Variants in HSPA9 observed in about 807,000 individuals in gnomAD.
HSPA9 encodes heat shock protein family A (Hsp70) member 9.
A neutral mutation model predicts 81.5 loss-of-function variants in HSPA9; 28 were observed. That is an observed-to-expected ratio of 0.34 (90% CI 0.25 to 0.47). The LOEUF (loss-of-function observed/expected upper bound fraction) is 0.47. Among genes scored for constraint, HSPA9 ranks in the 20% least tolerant of loss-of-function variants. The probability of loss-of-function intolerance (pLI) is 1.00; values close to 1 mark genes in which losing one functional copy is unlikely to be tolerated. For synonymous variants in HSPA9, 293 were observed against 290.4 expected (o/e 1.01, Z -0.09); for missense variants, 678 against 838.0 (o/e 0.81, Z 2.36).
rs756173167 is a variant in HSPA9 at position 138,575,306 on chromosome 5, T to G, written c.13A>C (p.Ser5Arg). 3.7e-6 allele frequency: 6 copies of G among 1,611,954 alleles called. No individual in the cohort carries two copies. The highest frequency in any genetic ancestry group is 4.2e-6 in the Non-Finnish European group (5 of 1,179,470). The part of the protein sequence containing the change: MISA[S>R]RAAAARLVGA... Reference sequence around the variant, plus strand: ...ACGAGACGGGCTGCTGCAGCTCGGCTGGCACTTATCATGGCGGATAAATGG... The same window carrying G: ...ACGAGACGGGCTGCTGCAGCTCGGCGGGCACTTATCATGGCGGATAAATGG... The change falls in exon 1 of 17, where the codon AGC becomes CGC. Residue 5 changes from serine (S) to arginine (R), a missense_variant. By Grantham distance (110) the Ser-to-Arg change is moderately radical. Around this residue, in one of 4 missense-constraint regions of HSPA9, gnomAD observed 89 missense variants for 70.4 expected, o/e 1.27. Transcript: ENST00000297185.
chr5:138,559,751 T>C (rs1750611934), intron 11 of HSPA9, 113 bp downstream of exon 11: 1 of 768,950 alleles, frequency 1.3e-6, no homozygotes, highest in Non-Finnish European at 2.3e-6. Context: ...TATTCTAAAC[T>C]GTAAAACAGA....
chr5:138,573,602 G>A (rs182612750), intron 3 of HSPA9, among the ~76,000 whole-genome samples, 161 bp downstream of exon 3: 41 of 124,288 alleles, frequency 3.3e-4, no homozygotes, highest in Middle Eastern at 6.5e-3. Flanking sequence ...AGCGGAGACC[G>A]TGCCACTGCA....
At chr5:138,557,012 C>A in intron 14 of HSPA9, 146 bp from the exon 15 acceptor site, 2 of 704,000 alleles carry the variant, frequency 2.8e-6, no homozygotes, top group South Asian at 3.0e-5. Context: ...ATGAAAGAGT[C>A]TGGGATGGCT....
Position 138,556,408 on chromosome 5 carries a change from C to T in HSPA9, c.1962+44G>A, listed in dbSNP as rs375016330. The T allele has an allele frequency of 1.2e-4, 199 of 1,605,448 alleles. 1 individual carries two copies. The African/African-American group carries it at 2.2e-3, about 18-fold the overall frequency. On this transcript the variant is annotated intron_variant, in intron 16 of 16. Coordinates refer to ENST00000297185, the MANE Select transcript of HSPA9 (RefSeq NM_004134.7). ...CAGTGACAGTCATCAAGAACAGTTC[C>T]ATCCAGATCAAGTTAGAATCAAAAT... is the stretch of plus-strand genomic sequence containing the variant.
chr5:138,567,298 G>A, intron 7 of HSPA9, 135 bp from the exon 8 acceptor site: 1 of 983,874 alleles, frequency 1.0e-6, no homozygotes, highest in East Asian at 2.6e-5. Flanking sequence ...AAATTACCAT[G>A]GCCCAAAAGA....
intron 4 of HSPA9, among the ~76,000 whole-genome samples, chr5:138,570,191 C>T (rs1484832713): frequency 1.3e-5 from 2 of 151,900 alleles, no homozygotes; most frequent in Admixed American, 1.3e-4. Context: ...TAGAAAAAGG[C>T]AGGCTGGGCA....
At chr5:138,572,030 C>T (rs1255604593) in intron 3 of HSPA9, among the ~76,000 whole-genome samples, 1 of 142,894 alleles carries the variant, frequency 7.0e-6, no homozygotes, top group African/African-American at 2.6e-5. Flanking sequence ...TGTCACGGCT[C>T]ACTGCAGCAT....
intron 3 of HSPA9, among the ~76,000 whole-genome samples, chr5:138,572,702 G>C (rs901177344): frequency 6.6e-6 from 1 of 151,802 alleles, no homozygotes; most frequent in South Asian, 2.1e-4. Context: ...ACTGTCTATG[G>C]TCTTCTTATC....
chr5:138,575,213 A>C, intron 1 of HSPA9, 25 bp downstream of exon 1: 1 of 1,561,716 alleles, frequency 6.4e-7, no homozygotes, highest in South Asian at 1.2e-5. Flanking sequence ...CCGTGACCCC[A>C]TTCGGGAAGG....
At chr5:138,574,308 T>A in intron 1 of HSPA9, 182 bp from the exon 2 acceptor site, 1 of 643,372 alleles carries the variant, frequency 1.6e-6, no homozygotes, top group Non-Finnish European at 2.8e-6. Flanking sequence ...CACATTACAG[T>A]AGGATTTCTC....
chr5:138,558,346 T>C (rs1330313370), intron 12 of HSPA9, among the ~76,000 whole-genome samples: 1 of 152,030 alleles, frequency 6.6e-6, no homozygotes, highest in Non-Finnish European at 1.5e-5. Context: ...CAGGAGTTTA[T>C]TTCTGAGGAA....
intron 5 of HSPA9, 90 bp from the exon 6 acceptor site, chr5:138,567,812 A>G (rs1466403903): frequency 4.3e-6 from 4 of 928,756 alleles, no homozygotes; most frequent in Non-Finnish European, 6.9e-6. Flanking sequence ...TTGCAGCCAC[A>G]GACAACATTC....
At chr5:138,570,912 GC>G in intron 4 of HSPA9, 47 bp downstream of exon 4, 1 of 1,495,226 alleles carries the variant, frequency 6.7e-7, no homozygotes, top group Non-Finnish European at 9.3e-7. Context: ...CTTCTGTGTG[GC>G]CCTTGCAAAT....
intron 4 of HSPA9, among the ~76,000 whole-genome samples, chr5:138,570,269 G>C (rs1750850025): frequency 6.6e-6 from 1 of 152,094 alleles, no homozygotes; most frequent in Admixed American, 6.5e-5. Flanking sequence ...GAGTCCAGGA[G>C]TTCAACACCA....
chr5:138,574,260 T>C, intron 1 of HSPA9, 134 bp from the exon 2 acceptor site: 1 of 695,922 alleles, frequency 1.4e-6, no homozygotes, highest in Non-Finnish European at 2.6e-6. Context: ...CCCAAATAAG[T>C]AAGACGAAAA....
intron 9 of HSPA9, among the ~76,000 whole-genome samples, chr5:138,562,367 G>C (rs923259585): frequency 6.7e-6 from 1 of 148,876 alleles, no homozygotes; most frequent in Non-Finnish European, 1.5e-5. Flanking sequence ...GGCTAACATG[G>C]TGAAACCCCG....
At position 138,570,997 on chromosome 5, in the gene HSPA9, C is replaced by A; in HGVS notation, c.373G>T (p.Gly125Cys). 6.2e-7 allele frequency: 1 copy of A among 1,614,104 alleles called. No individual in the cohort carries two copies. Residue 125 changes from glycine to cysteine, a missense_variant, in exon 4 of 17, where the codon GGC becomes TGC. Physicochemically the swap from Gly to Cys is radical, Grantham distance 159. This residue lies in a region of HSPA9 where 484 missense variants were observed against 647.5 expected (regional missense o/e 0.75). Coordinates refer to ENST00000297185, the MANE Select transcript of HSPA9 (RefSeq NM_004134.7). Reference protein sequence around the residue: ...NTFYATKRLIGRRYDDPEVQK... With the variant: ...NTFYATKRLICRRYDDPEVQK... ...ACTTCAGGATCATCATATCGCCGGC[C>A]AATGAGACGCTTGGTAGCATAAAAT...
intron 10 of HSPA9, 24 bp downstream of exon 10, chr5:138,561,556 C>T (rs370296897): frequency 6.3e-6 from 10 of 1,595,884 alleles, no homozygotes; most frequent in South Asian, 3.3e-5. Flanking sequence ...TCTCTCTCCA[C>T]GACAGAATTC....
chr5:138,557,636 A>G (rs1750556820), intron 13 of HSPA9, 140 bp from the exon 14 acceptor site: 2 of 748,014 alleles, frequency 2.7e-6, no homozygotes, highest in African/African-American at 3.5e-5. Flanking sequence ...CTATAGTCCT[A>G]TAAAGCAAAA....
Sources: gnomAD v4.1 joint callset for allele counts (sites outside exome capture counted in the v4.1 genomes callset) on GRCh38, gnomAD v4.1.1 for gene constraint, gnomAD v4.1.1 regional missense constraint, MANE v1.5 for transcripts, NCBI Gene and HGNC (gene_info 2026-07-23, HGNC 2026-07-21) for gene names.